Variants in HSD17B12 observed in about 807,000 individuals in gnomAD.
The protein encoded by HSD17B12 is hydroxysteroid 17-beta dehydrogenase 12.
HSD17B12 carries 32 observed loss-of-function variants against 39.3 expected under a neutral mutation model. That is an observed-to-expected ratio of 0.81 (90% confidence interval 0.61 to 1.09). The LOEUF is 1.09. Among genes scored for constraint, HSD17B12 ranks in the 50% least tolerant of loss-of-function variants. The pLI is 0.00. For synonymous variants in HSD17B12, 150 were observed against 146.7 expected, an observed-to-expected ratio of 1.02 and a Z score of -0.16; for missense variants, 342 against 382.9, an observed-to-expected ratio of 0.89 and a Z score of 0.89.
At chr11:43,745,634 T>G (rs1428921550) in intron 1 of HSD17B12, among the ~76,000 whole-genome samples, 1 of 152,198 alleles carries the variant, frequency 6.6e-6, no homozygotes, top group East Asian at 1.9e-4. Context: ...CTGTATATAA[T>G]AGCATGTTAC....
chr11:43,836,845 A>C (rs992180160), intron 7 of HSD17B12, among the ~76,000 whole-genome samples: 3 of 152,192 alleles, frequency 2.0e-5, no homozygotes, highest in Non-Finnish European at 4.4e-5. Context: ...TTACCTTAAA[A>C]TTTAAAAAGA....
intron 1 of HSD17B12, chr11:43,734,270 A>G (rs1285612995): frequency 3.1e-6 from 4 of 1,292,750 alleles, no homozygotes; most frequent in Non-Finnish European, 2.2e-6. Flanking sequence ...GACACATCTG[A>G]CTTTCAGGAA....
At chr11:43,568,032 C>T in the HSD17B12 span, among the ~76,000 whole-genome samples, 2 of 152,090 alleles carry the variant, frequency 1.3e-5, no homozygotes, top group Non-Finnish European at 2.9e-5. Flanking sequence ...TCTGAGATTG[C>T]GCCATAAACT....
At chr11:43,608,829 T>G in the HSD17B12 span, among the ~76,000 whole-genome samples, 1 of 152,230 alleles carries the variant, frequency 6.6e-6, no homozygotes, top group Non-Finnish European at 1.5e-5. Flanking sequence ...AGTGAAGCTC[T>G]TCGAAGGCCT....
At chr11:43,565,426 A>T in the HSD17B12 span, among the ~76,000 whole-genome samples, 1 of 152,218 alleles carries the variant, frequency 6.6e-6, no homozygotes. Flanking sequence ...TGAGCTATAC[A>T]GCCTCTGCCT....
intron 4 of HSD17B12, among the ~76,000 whole-genome samples, chr11:43,812,099 T>G (rs1951078662): frequency 6.6e-6 from 1 of 152,220 alleles, no homozygotes; most frequent in Non-Finnish European, 1.5e-5. Context: ...ATATACTAAA[T>G]TTTTCTTTAT....
chr11:43,724,707 T>C (rs1414019528), intron 1 of HSD17B12, among the ~76,000 whole-genome samples: 1 of 152,050 alleles, frequency 6.6e-6, no homozygotes, highest in East Asian at 1.9e-4. Flanking sequence ...GATCCAACCA[T>C]CCACAAATGC....
the HSD17B12 span, among the ~76,000 whole-genome samples, chr11:43,572,665 G>A: frequency 5.3e-5 from 8 of 152,256 alleles, no homozygotes; most frequent in African/African-American, 1.9e-4. Flanking sequence ...CTAAGGGGTA[G>A]GTACCATTAT....
the HSD17B12 span, among the ~76,000 whole-genome samples, chr11:43,632,653 T>C: frequency 6.6e-6 from 1 of 152,242 alleles, no homozygotes; most frequent in Non-Finnish European, 1.5e-5. Flanking sequence ...TATTGAGAAA[T>C]GTCTTTGGAT....
intron 3 of HSD17B12, among the ~76,000 whole-genome samples, chr11:43,788,707 AAAG>A (rs897129823): frequency 5.5e-5 from 8 of 145,902 alleles, no homozygotes; most frequent in African/African-American, 1.8e-4. Context: ...AAAAAAAAAA[AAAG>A]AAGTGTGATC....
chr11:43,568,715 C>G, the HSD17B12 span, among the ~76,000 whole-genome samples: 3 of 152,312 alleles, frequency 2.0e-5, no homozygotes, highest in East Asian at 5.8e-4. Flanking sequence ...AGAATCAAGA[C>G]CAGAACTGTC....
the HSD17B12 span, among the ~76,000 whole-genome samples, chr11:43,559,452 A>T: frequency 6.6e-6 from 1 of 152,204 alleles, no homozygotes; most frequent in Non-Finnish European, 1.5e-5. Context: ...GTGCCCAAGC[A>T]CTTGTCACAT....
At chr11:43,752,944 A>G (rs1263346280) in intron 2 of HSD17B12, among the ~76,000 whole-genome samples, 2 of 152,178 alleles carry the variant, frequency 1.3e-5, no homozygotes, top group African/African-American at 4.8e-5. Flanking sequence ...CATTTGCAAT[A>G]TCACTCACTA....
chr11:43,692,248 T>C (rs1949869397), intron 1 of HSD17B12, among the ~76,000 whole-genome samples: 1 of 152,256 alleles, frequency 6.6e-6, no homozygotes, highest in South Asian at 2.1e-4. Flanking sequence ...TTTGTTCTAC[T>C]TTGCAAAATA....
chr11:43,776,314 G>T (rs1419575549), intron 3 of HSD17B12, among the ~76,000 whole-genome samples: 1 of 152,072 alleles, frequency 6.6e-6, no homozygotes, highest in Non-Finnish European at 1.5e-5. Flanking sequence ...GTGTGAGATG[G>T]TATCTCATTG....
At chr11:43,727,914 C>CT (rs1950235283) in intron 1 of HSD17B12, among the ~76,000 whole-genome samples, 1 of 151,936 alleles carries the variant, frequency 6.6e-6, no homozygotes, top group Non-Finnish European at 1.5e-5. Context: ...AGGTTTGGTG[C>CT]TTTTTTGTTT....
chr11:43,559,663 G>A, the HSD17B12 span: 1 of 155,922 alleles, frequency 6.4e-6, no homozygotes, highest in Non-Finnish European at 1.5e-5. Flanking sequence ...CCAGTTTAGG[G>A]GTGGACCTGA....
At chr11:43,682,544 C>CAAAAAAAAAAAAAAAAAAAAAAA (rs55938101) in intron 1 of HSD17B12, among the ~76,000 whole-genome samples, 1 of 118,446 alleles carries the variant, frequency 8.4e-6, no homozygotes, top group African/African-American at 3.2e-5. Context: ...AGACTCATCT[C>CAAAAAAAAAAAAAAAAAAAAAAA]AAAAAAAAAA....
At chr11:43,583,971 T>C in the HSD17B12 span, among the ~76,000 whole-genome samples, 2 of 152,138 alleles carry the variant, frequency 1.3e-5, no homozygotes, top group African/African-American at 2.4e-5. Flanking sequence ...CCAGGGGTTA[T>C]CTGTGGAGCT....
Sources: gnomAD v4.1 joint callset for allele counts (sites outside exome capture counted in the v4.1 genomes callset) on GRCh38, gnomAD v4.1.1 for gene constraint, MANE v1.5 for transcripts, NCBI Gene and HGNC (gene_info 2026-07-23, HGNC 2026-07-21) for gene names.